The following ADAMTS6 variants were observed in gnomAD, a reference collection of about 807,000 sequenced individuals.
ADAMTS6 encodes A disintegrin and metalloproteinase with thrombospondin motifs 6.
In ADAMTS6, 23 loss-of-function variants were observed where a neutral mutation model predicts 144.3. The observed-to-expected ratio is 0.16, with a 90% CI of 0.11 to 0.23. The LOEUF (loss-of-function observed/expected upper bound fraction) is 0.23, where lower values mean the gene tolerates loss of function less well. ADAMTS6 is among the 10% of genes least tolerant of loss of function. The pLI is 1.00. For synonymous variants in ADAMTS6, 444 were observed against 457.5 expected (o/e 0.97, Z 0.38); for missense variants, 999 against 1,379.6 (o/e 0.72, Z 4.37).
At chr5:65,418,988 G>A (rs1755788498) in intron 7 of ADAMTS6, among the ~76,000 whole-genome samples, 1 of 152,168 alleles carries the variant, frequency 6.6e-6, no homozygotes, top group African/African-American at 2.4e-5. Context: ...AAGCAGTTCG[G>A]AGATTTTTCA....
rs1757700653 is a variant in ADAMTS6, at chr5:65,226,098, A to G, written c.2055T>C (p.Asn685=). The change falls in exon 16 of 25, where the codon AAT becomes AAC. Residue 685 remains asparagine (N), a synonymous_variant. Transcript: ENST00000381055. ...CNADSLDICI[N]GECKHVGCDN... ...AAATCTGAGCAACCTTGCATTCTCC[A>G]TTGATGCAGATATCCAGTGAATCCG... The G allele has an allele frequency of 6.2e-7, 1 of 1,611,206 alleles. No homozygotes were observed. Among genetic ancestry groups the G allele is most frequent in the Admixed American group, 1.7e-5 (1 of 59,840 alleles).
At chr5:65,244,276 T>C (rs2112506413) in intron 14 of ADAMTS6, among the ~76,000 whole-genome samples, 1 of 152,100 alleles carries the variant, frequency 6.6e-6, no homozygotes, top group African/African-American at 2.4e-5. Context: ...AGATGAACTA[T>C]ATAGAAGCAT....
intron 7 of ADAMTS6, among the ~76,000 whole-genome samples, chr5:65,351,779 C>T (rs754605635): frequency 6.0e-5 from 9 of 150,692 alleles, no homozygotes; most frequent in Non-Finnish European, 1.2e-4. Context: ...GCTCAGGCAA[C>T]ACAGAGAGAA....
chr5:65,396,376 T>C (rs573936996), intron 7 of ADAMTS6, among the ~76,000 whole-genome samples: 2 of 152,294 alleles, frequency 1.3e-5, no homozygotes, highest in South Asian at 4.1e-4. Context: ...TTATAGGATT[T>C]CAAATGTCTT....
intron 21 of ADAMTS6, among the ~76,000 whole-genome samples, chr5:65,195,993 TA>T (rs1755317454): frequency 6.6e-6 from 1 of 152,244 alleles, no homozygotes; most frequent in Non-Finnish European, 1.5e-5. Context: ...TTACAGATTA[TA>T]ATGTGTGGCT....
chr5:65,228,084 A>C (rs1757857863), intron 15 of ADAMTS6, among the ~76,000 whole-genome samples: 1 of 152,324 alleles, frequency 6.6e-6, no homozygotes, highest in South Asian at 2.1e-4. Context: ...AACTGATAAT[A>C]AAACTACTTG....
intron 7 of ADAMTS6, among the ~76,000 whole-genome samples, chr5:65,436,665 T>A (rs1413200606): frequency 6.6e-6 from 1 of 151,476 alleles, no homozygotes; most frequent in Non-Finnish European, 1.5e-5. Context: ...GTGAAACCTG[T>A]CTCTACTAAA....
At chr5:65,442,371 C>T (rs1757930258) in intron 7 of ADAMTS6, among the ~76,000 whole-genome samples, 1 of 151,904 alleles carries the variant, frequency 6.6e-6, no homozygotes, top group Non-Finnish European at 1.5e-5. Flanking sequence ...CCTAATTAGC[C>T]CTATATTATT....
At chr5:65,289,737 T>C (rs1742101652) in intron 11 of ADAMTS6, among the ~76,000 whole-genome samples, 1 of 152,134 alleles carries the variant, frequency 6.6e-6, no homozygotes, top group Non-Finnish European at 1.5e-5. Context: ...ATAAATTATC[T>C]AATGTAGAAA....
intron 12 of ADAMTS6, among the ~76,000 whole-genome samples, chr5:65,264,450 C>A (rs1199502912): frequency 6.6e-6 from 1 of 152,114 alleles, no homozygotes; most frequent in African/African-American, 2.4e-5. Context: ...CTTTCAGTCT[C>A]AGGTCAAGTG....
chr5:65,188,309 A>C, intron 21 of ADAMTS6, 89 bp from the exon 22 acceptor site: 3 of 1,220,170 alleles, frequency 2.5e-6, no homozygotes, highest in Non-Finnish European at 3.5e-6. Flanking sequence ...TCACTGATGG[A>C]CTACGAGCTG....
chr5:65,441,582 T>G (rs1757856213), intron 7 of ADAMTS6, among the ~76,000 whole-genome samples: 1 of 152,112 alleles, frequency 6.6e-6, no homozygotes, highest in Non-Finnish European at 1.5e-5. Context: ...ATCTAATTGA[T>G]ATATATAGAA....
At chr5:65,474,796 CAA>C (rs11330695) in intron 1 of ADAMTS6, among the ~76,000 whole-genome samples, 4,771 of 78,812 alleles carry the variant, frequency 0.061, 299 homozygotes, top group African/African-American at 0.19. Context: ...AAACTGTGAC[CAA>C]AAAAAAAAAA....
intron 3 of ADAMTS6, among the ~76,000 whole-genome samples, chr5:65,461,721 A>AC (rs1434724816): frequency 6.6e-6 from 1 of 152,146 alleles, no homozygotes; most frequent in Non-Finnish European, 1.5e-5. Context: ...ACAAAGGGAG[A>AC]CCTACATGGC....
chr5:65,202,091 G>T (rs1300533335), intron 20 of ADAMTS6, among the ~76,000 whole-genome samples: 1 of 152,156 alleles, frequency 6.6e-6, no homozygotes, highest in Non-Finnish European at 1.5e-5. Context: ...CTAACAGCTG[G>T]AACCCAGGGT....
intron 7 of ADAMTS6, among the ~76,000 whole-genome samples, chr5:65,371,920 C>T (rs991862174): frequency 6.6e-5 from 10 of 152,054 alleles, no homozygotes. Flanking sequence ...TAACAGTGGA[C>T]CTCTCGGCAG....
At chr5:65,374,635 G>C (rs1050450141) in intron 7 of ADAMTS6, among the ~76,000 whole-genome samples, 48 of 152,198 alleles carry the variant, frequency 3.2e-4, no homozygotes, top group East Asian at 5.8e-4. Flanking sequence ...GAAGAACATT[G>C]CATGCTCATG....
chr5:65,318,702 G>T (rs1429324197), intron 9 of ADAMTS6, among the ~76,000 whole-genome samples: 1 of 151,922 alleles, frequency 6.6e-6, no homozygotes, highest in African/African-American at 2.4e-5. Context: ...TATGGACATA[G>T]AGAGTAGAAG....
chr5:65,296,544 T>C (rs555153290), intron 10 of ADAMTS6, among the ~76,000 whole-genome samples: 25 of 152,212 alleles, frequency 1.6e-4, no homozygotes, highest in Non-Finnish European at 2.6e-4. Flanking sequence ...TGCCAAGCTC[T>C]TAGATTCTAC....
Sources: gnomAD v4.1 joint callset for allele counts (sites outside exome capture counted in the v4.1 genomes callset) on GRCh38, gnomAD v4.1.1 for gene constraint, MANE v1.5 for transcripts, NCBI Gene and HGNC (gene_info 2026-07-23, HGNC 2026-07-21) for gene names.